Variants in KALRN observed in about 807,000 individuals in gnomAD.
KALRN encodes kalirin.
In KALRN, 70 loss-of-function variants were observed where a neutral mutation model predicts 353.7. The observed-to-expected ratio is 0.20, with a 90% CI of 0.16 to 0.24. The LOEUF is 0.24. Among genes scored for constraint, KALRN ranks in the 10% least tolerant of loss-of-function variants. KALRN has a pLI of 1.00. For missense variants in KALRN, 2,791 were observed against 3,756.7 expected, an observed-to-expected ratio of 0.74 and a Z score of 6.72; for synonymous variants, 1,391 against 1,434.8, an observed-to-expected ratio of 0.97 and a Z score of 0.69.
At chr3:124,136,879 T>C (rs537455726) in intron 1 of KALRN, among the ~76,000 whole-genome samples, 36 of 152,280 alleles carry the variant, frequency 2.4e-4, no homozygotes, top group African/African-American at 8.7e-4. Flanking sequence ...GTTTTCGCAC[T>C]ACAGGAAATT....
intron 17 of KALRN, among the ~76,000 whole-genome samples, 180 bp downstream of exon 17, chr3:124,434,705 A>G (rs895988038): frequency 6.6e-6 from 1 of 152,218 alleles, no homozygotes; most frequent in Non-Finnish European, 1.5e-5. Flanking sequence ...CCATTTGAGC[A>G]CTGGACTATG....
intron 11 of KALRN, among the ~76,000 whole-genome samples, chr3:124,390,633 G>A (rs1459645653): frequency 6.6e-6 from 1 of 152,136 alleles, no homozygotes; most frequent in African/African-American, 2.4e-5. Flanking sequence ...CAAAATGAGG[G>A]AAGAGGAGGT....
rs570118425 is a variant in KALRN at position 124,662,479 on chromosome 3, C to T, written c.6345+551C>T. On this transcript the variant is annotated intron_variant, in intron 45 of 59. Coordinates refer to ENST00000682506, the MANE Select transcript of KALRN (RefSeq NM_001388419.1). ...AGACCTGATAGTGACCTCTTCCTTT[C>T]CCTTCTTGATTGATAAAGCAGGGAC... Among the ~76,000 whole-genome samples, 23 of 152,246 alleles carry T rather than the reference C, an allele frequency of 1.5e-4. No homozygotes were observed. The South Asian group carries it at 4.2e-3, about 27-fold the overall frequency.
At chr3:124,146,156 A>G (rs2067295992) in intron 1 of KALRN, among the ~76,000 whole-genome samples, 1 of 152,168 alleles carries the variant, frequency 6.6e-6, no homozygotes, top group African/African-American at 2.4e-5. Flanking sequence ...GTTGTGTTTC[A>G]CTGAAAGTAA....
chr3:124,099,560 C>A (rs1293614889), intron 1 of KALRN, among the ~76,000 whole-genome samples: 1 of 152,108 alleles, frequency 6.6e-6, no homozygotes, highest in Non-Finnish European at 1.5e-5. Context: ...GATCTCTTTT[C>A]TTTTGGATAA....
intron 57 of KALRN, among the ~76,000 whole-genome samples, chr3:124,703,555 C>A (rs1027589900): frequency 9.2e-5 from 14 of 151,964 alleles, no homozygotes; most frequent in African/African-American, 3.4e-4. Flanking sequence ...CTCCTGGGCT[C>A]AAGCAATCCT....
chr3:124,346,351 C>A lies in KALRN; in HGVS notation c.1648-792C>A, dbSNP rs143859748. ...TTCCACCCTTCTTAGCATCCCCTCTCTCTCACCCCTCTATTGCCCAGGGGT... is the reference window on the plus strand; with the variant it reads ...TTCCACCCTTCTTAGCATCCCCTCTATCTCACCCCTCTATTGCCCAGGGGT... On this transcript the variant is annotated intron_variant, in intron 9 of 59. Transcript: ENST00000682506. 4.6e-5 allele frequency among the ~76,000 whole-genome samples: 7 copies of A among 152,296 alleles called. No homozygotes were observed. In the East Asian group the frequency reaches 1.4e-3, roughly 29 times the overall value.
chr3:124,506,349 C>G (rs1297793171), intron 33 of KALRN, among the ~76,000 whole-genome samples: 1 of 152,072 alleles, frequency 6.6e-6, no homozygotes, highest in Non-Finnish European at 1.5e-5. Context: ...CAGATATGGC[C>G]CTGGTTGTGT....
chr3:124,135,643 T>C (rs2065842268), intron 1 of KALRN, among the ~76,000 whole-genome samples: 1 of 152,074 alleles, frequency 6.6e-6, no homozygotes, highest in Admixed American at 6.5e-5. Context: ...CAGCCTGTTT[T>C]TAAGGACAGC....
chr3:124,661,940 A>G lies in KALRN; in HGVS notation c.6345+12A>G. ...TGCAGGGCTTTGAGGTGAGTCTTTA[A>G]GAATGCGTCTAAGCCCACTCTCTCC... On this transcript the variant is annotated intron_variant, in intron 45 of 59. Transcript: ENST00000682506. 1 of 1,608,582 alleles carries G rather than the reference A, an allele frequency of 6.2e-7. No individual in the cohort carries two copies. Among genetic ancestry groups the G allele is most frequent in the Non-Finnish European group, 8.5e-7 (1 of 1,175,030 alleles).
At chr3:124,674,783 CATCCGGGCTGGAGTG>C in intron 49 of KALRN, 169 bp downstream of exon 49, 1 of 639,224 alleles carries the variant, frequency 1.6e-6, no homozygotes, top group Non-Finnish European at 2.4e-6. Flanking sequence ...CAACATGGGG[CATCCGGGCTGGAGTG>C]ATCCAGTTTT....
chr3:124,670,262 G>A (rs1258975188), intron 47 of KALRN, among the ~76,000 whole-genome samples: 4 of 152,236 alleles, frequency 2.6e-5, no homozygotes, highest in Admixed American at 6.5e-5. Context: ...GGGATTACAG[G>A]CATGCACCAC....
At chr3:124,042,143 A>G (rs1203650338) in intron 1 of KALRN, among the ~76,000 whole-genome samples, 2 of 152,230 alleles carry the variant, frequency 1.3e-5, no homozygotes, top group Admixed American at 1.3e-4. Context: ...AGGTTAAAAC[A>G]GCATTGAAAG....
intron 1 of KALRN, among the ~76,000 whole-genome samples, chr3:124,169,303 C>T (rs2071365798): frequency 6.6e-6 from 1 of 151,980 alleles, no homozygotes; most frequent in Non-Finnish European, 1.5e-5. Flanking sequence ...TTTTACTAAG[C>T]TTGTTGGCTC....
intron 33 of KALRN, among the ~76,000 whole-genome samples, chr3:124,543,300 C>T (rs946957317): frequency 6.6e-6 from 1 of 151,440 alleles, no homozygotes; most frequent in East Asian, 1.9e-4. Flanking sequence ...AAAAAATTTA[C>T]GGACTTTTTT....
At chr3:124,354,515 C>T (rs564871833) in intron 10 of KALRN, among the ~76,000 whole-genome samples, 1 of 152,126 alleles carries the variant, frequency 6.6e-6, no homozygotes, top group Non-Finnish European at 1.5e-5. Flanking sequence ...AAAATTAACC[C>T]AGTGAAGCCA....
At chr3:124,437,988 G>T (rs1459268455) in intron 17 of KALRN, among the ~76,000 whole-genome samples, 1 of 152,016 alleles carries the variant, frequency 6.6e-6, no homozygotes. Flanking sequence ...GTTTTTATTT[G>T]TATTATTTTT....
Position 124,545,938 on chromosome 3 carries a change from T to C in KALRN, c.4936-16905T>C, listed in dbSNP as rs1349255048. 3.9e-5 allele frequency among the ~76,000 whole-genome samples: 6 copies of C among 152,108 alleles called. No homozygotes were observed. In the East Asian group the frequency reaches 1.2e-3, roughly 29 times the overall value. ...GACTGAGAAAAGAGATGCATTATGGTTGAGAAAGCAGAGATCACACATAGG... is the reference window on the plus strand; with the variant it reads ...GACTGAGAAAAGAGATGCATTATGGCTGAGAAAGCAGAGATCACACATAGG... On this transcript the variant is annotated intron_variant, in intron 33 of 59. Coordinates refer to ENST00000682506, the MANE Select transcript of KALRN (RefSeq NM_001388419.1).
intron 15 of KALRN, 47 bp from the exon 16 acceptor site, chr3:124,430,609 G>A (rs773470029): frequency 6.2e-7 from 1 of 1,606,168 alleles, no homozygotes; most frequent in Non-Finnish European, 8.5e-7. Flanking sequence ...CAGCTCTGGG[G>A]AAACTGCGGA....
Sources: gnomAD v4.1 joint callset for allele counts (sites outside exome capture counted in the v4.1 genomes callset) on GRCh38, gnomAD v4.1.1 for gene constraint, MANE v1.5 for transcripts, NCBI Gene and HGNC (gene_info 2026-07-23, HGNC 2026-07-21) for gene names.